The following COMT variants were observed in gnomAD, a reference collection of about 807,000 sequenced individuals.
The protein encoded by COMT is catechol-O-methyltransferase.
A neutral mutation model predicts 18.9 loss-of-function variants in COMT; 13 were observed. The ratio of observed to expected loss-of-function variants is 0.69; its 90% CI spans 0.45 to 1.09. COMT has a LOEUF of 1.09. Among genes scored for constraint, COMT ranks in the 50% least tolerant of loss-of-function variants. The probability of loss-of-function intolerance (pLI) is 0.00; values close to 1 mark genes in which losing one functional copy is unlikely to be tolerated. For missense variants in COMT, 329 were observed against 361.8 expected, an observed-to-expected ratio of 0.91 and a Z score of 0.73; for synonymous variants, 150 against 160.9, an observed-to-expected ratio of 0.93 and a Z score of 0.51.
At chr22:19,945,803 C>G (rs972357645) in intron 1 of COMT, among the ~76,000 whole-genome samples, 1 of 152,030 alleles carries the variant, frequency 6.6e-6, no homozygotes, top group Non-Finnish European at 1.5e-5. Flanking sequence ...GTAGCTGGGA[C>G]TACAGGTGCC....
chr22:19,965,859 G>T (rs1379977199), intron 5 of COMT, among the ~76,000 whole-genome samples: 2 of 152,162 alleles, frequency 1.3e-5, no homozygotes, highest in African/African-American at 4.8e-5. Context: ...AGACAGGGTA[G>T]CTGGAGGGGG....
chr22:19,954,430 ATGTC>A (rs1942016945), intron 1 of COMT, among the ~76,000 whole-genome samples: 1 of 151,992 alleles, frequency 6.6e-6, no homozygotes, highest in Non-Finnish European at 1.5e-5. Context: ...GCCACGGACA[ATGTC>A]TGTGCAATTG....
chr22:19,952,170 C>T (rs72549225), intron 1 of COMT, among the ~76,000 whole-genome samples: 2,192 of 152,290 alleles, frequency 0.014, 30 homozygotes, highest in African/African-American at 0.03. Context: ...CCAGGCACTG[C>T]GGCATGCCCC....
At position 19,963,481 on chromosome 22, in the gene COMT, G is replaced by A. The variant is rs1601528780; in HGVS notation, c.290-85G>A. The stretch of plus-strand genomic sequence containing the variant: ...ATTTGGGAGGGGCTCCTGCTCTTTG[G>A]GAGAGGTGGGGGGCCGTGCCTGGGG... On this transcript the variant is annotated intron_variant, in intron 3 of 5. Transcript: ENST00000361682. 4 of 1,495,806 alleles carry A rather than the reference G, an allele frequency of 2.7e-6. No homozygotes were observed. In the East Asian group the frequency reaches 9.4e-5, roughly 35 times the overall value. The allele number at this position is 1,495,806 out of a possible 1,614,324, so 92.7% of individuals were successfully genotyped here.
At chr22:19,957,082 C>G (rs1942080498) in intron 1 of COMT, among the ~76,000 whole-genome samples, 2 of 151,862 alleles carry the variant, frequency 1.3e-5, no homozygotes, top group African/African-American at 4.8e-5. Flanking sequence ...TCCCGAGTAG[C>G]TGGGACTACA....
At chr22:19,957,245 C>T (rs1942085795) in intron 1 of COMT, among the ~76,000 whole-genome samples, 2 of 152,104 alleles carry the variant, frequency 1.3e-5, no homozygotes, top group Non-Finnish European at 2.9e-5. Flanking sequence ...CCACCGCGCC[C>T]GGCCAGCATT....
At chr22:19,948,645 G>C (rs1218749660) in intron 1 of COMT, among the ~76,000 whole-genome samples, 1 of 152,156 alleles carries the variant, frequency 6.6e-6, no homozygotes, top group Non-Finnish European at 1.5e-5. Flanking sequence ...CAGTAACAGA[G>C]TGAGACTCTG....
chr22:19,955,057 C>T (rs1260789345), intron 1 of COMT, among the ~76,000 whole-genome samples: 3 of 152,162 alleles, frequency 2.0e-5, no homozygotes, highest in African/African-American at 7.2e-5. Flanking sequence ...CCAGGATGGA[C>T]GACATGGTGC....
At chr22:19,946,734 C>T (rs1045614964) in intron 1 of COMT, among the ~76,000 whole-genome samples, 1 of 152,012 alleles carries the variant, frequency 6.6e-6, no homozygotes, top group African/African-American at 2.4e-5. Context: ...TGACACATAG[C>T]ATTTTAAATA....
Position 19,969,037 on chromosome 22 carries a change from T to C in COMT, c.*301T>C, listed in dbSNP as rs1313333764. 1 of 274,658 alleles carries C rather than the reference T, an allele frequency of 3.6e-6. No individual in the cohort carries two copies. The highest frequency in any genetic ancestry group is 2.2e-5 in the African/African-American group (1 of 44,840). 17.0% of individuals were successfully genotyped at this position (274,658 alleles called of 1,614,324 possible). ...CTAAATATTTAGATATAACTCGACT[T>C]AGTACATCCTTCTCAACTGCCATTC... On this transcript the variant is annotated 3_prime_UTR_variant, in exon 6 of 6. Transcript: ENST00000361682.
chr22:19,952,997 TAAATA>T (rs1426500820), intron 1 of COMT, among the ~76,000 whole-genome samples: 420 of 36,012 alleles, frequency 0.012, 8 homozygotes, highest in African/African-American at 0.036. Flanking sequence ...AATAAATAAA[TAAATA>T]AATAAAATGA....
Position 19,968,753 on chromosome 22 carries a change from CCT to C in COMT, c.*21_*22del, listed in dbSNP as rs779954250. 7 of 1,604,314 alleles carry C rather than the reference CCT, an allele frequency of 4.4e-6. No homozygotes were observed. The highest frequency in any genetic ancestry group is 5.9e-6 in the Non-Finnish European group (7 of 1,178,428). ...GGGCCCTGACTGCCCCCCCGGCCCCCCTCTCGGGCTCTCTCACCCAGCCTGGT... is the reference window on the plus strand; with the variant it reads ...GGGCCCTGACTGCCCCCCCGGCCCCCCTCGGGCTCTCTCACCCAGCCTGGT... On this transcript the variant is annotated 3_prime_UTR_variant, in exon 6 of 6. Transcript: ENST00000361682.
intron 1 of COMT, among the ~76,000 whole-genome samples, chr22:19,944,678 C>A (rs991887715): frequency 6.6e-6 from 1 of 151,968 alleles, no homozygotes; most frequent in African/African-American, 2.4e-5. Flanking sequence ...CAAAATTAGC[C>A]AGGCGTGGTG....
chr22:19,959,970 C>G (rs1479750397), intron 1 of COMT, among the ~76,000 whole-genome samples: 1 of 152,264 alleles, frequency 6.6e-6, no homozygotes, highest in African/African-American at 2.4e-5. Context: ...GCCCAGCCTG[C>G]AGAGTGGAGT....
intron 3 of COMT, 36 bp from the exon 4 acceptor site, chr22:19,963,530 T>A: frequency 8.1e-6 from 13 of 1,606,060 alleles, no homozygotes; most frequent in Non-Finnish European, 1.1e-5. Context: ...TCTCTCCACC[T>A]GTGCTCACCT....
intron 5 of COMT, chr22:19,965,612 T>C (rs1269587491): frequency 6.6e-6 from 1 of 152,250 alleles, no homozygotes; most frequent in Non-Finnish European, 1.5e-5. Flanking sequence ...AGTGCTGGGA[T>C]TACAGGCGTG....
chr22:19,963,902 G>A (rs1942268615), intron 4 of COMT, 143 bp downstream of exon 4: 2 of 1,244,594 alleles, frequency 1.6e-6, no homozygotes, highest in Non-Finnish European at 2.3e-6. Context: ...GTGCTTCCCA[G>A]CCTGGGGCTG....
At chr22:19,953,371 A>G (rs1337118703) in intron 1 of COMT, among the ~76,000 whole-genome samples, 1 of 152,102 alleles carries the variant, frequency 6.6e-6, no homozygotes, top group Non-Finnish European at 1.5e-5. Flanking sequence ...ACTCACTGCA[A>G]CAACCTCCAC....
At chr22:19,945,046 C>T (rs999550812) in intron 1 of COMT, among the ~76,000 whole-genome samples, 4 of 152,168 alleles carry the variant, frequency 2.6e-5, no homozygotes, top group African/African-American at 9.7e-5. Context: ...GCAGCACGAA[C>T]AGTAATTGAC....
Sources: allele counts gnomAD v4.1 joint callset (sites outside exome capture counted in the v4.1 genomes callset), GRCh38; gene constraint gnomAD v4.1.1; transcripts MANE v1.5; gene names NCBI Gene and HGNC (gene_info 2026-07-23, HGNC 2026-07-21).